ZNF683: variants seen among roughly 807,000 people sequenced by gnomAD.
ZNF683 encodes tissue-resident T-cell transcription regulator protein ZNF683.
ZNF683 carries 20 observed loss-of-function variants against 31.4 expected under a neutral mutation model. The ratio of observed to expected loss-of-function variants is 0.64; its 90% CI spans 0.45 to 0.93. ZNF683 has a LOEUF of 0.93. ZNF683 is among the 40% of genes least tolerant of loss of function. The pLI is 0.00. For missense variants in ZNF683, 621 were observed against 637.2 expected (o/e 0.97, Z 0.27); for synonymous variants, 264 against 267.6 (o/e 0.99, Z 0.13).
chr1:26,363,737 G>GAAAAAA (rs61027154), intron 4 of ZNF683, among the ~76,000 whole-genome samples: 1 of 134,940 alleles, frequency 7.4e-6, no homozygotes. Context: ...ACTCCATATG[G>GAAAAAA]AAAAAAAAAA....
In ZNF683 at chr1:26,367,574, C is replaced by A; in HGVS notation, c.319+19G>T. 6.4e-7 allele frequency: 1 copy of A among 1,557,088 alleles called. No homozygotes were observed. ...CAGCCTCTGCCAGGCGCAGGTGCAG[C>A]CCGGTGCCCTGGGCTTACTCATGCT... is the stretch of plus-strand genomic sequence containing the variant. On this transcript the variant is annotated intron_variant, in intron 3 of 5. Coordinates refer to ENST00000349618, the MANE Select transcript of ZNF683 (RefSeq NM_001114759.3).
In ZNF683 at chr1:26,364,648, A is replaced by C. The variant is rs753637487; in HGVS notation, c.898T>G (p.Leu300Val). The C allele has an allele frequency of 6.2e-7, 1 of 1,613,920 alleles. No individual in the cohort carries two copies. The highest frequency in any genetic ancestry group is 8.5e-7 in the Non-Finnish European group (1 of 1,179,856). Residue 300 changes from leucine to valine, a missense_variant, in exon 4 of 6, where the codon TTG (leucine) becomes GTG (valine). By Grantham distance (32) the Leu-to-Val change is conservative. Coordinates refer to ENST00000349618, the MANE Select transcript of ZNF683 (RefSeq NM_001114759.3). Reference sequence around the variant, plus strand: ...GCTGCGGTGCCTGTCTGGGAACTCAATGGGACCCGCTTTGCTGGAGATGCC... The same window carrying C: ...GCTGCGGTGCCTGTCTGGGAACTCACTGGGACCCGCTTTGCTGGAGATGCC... Reference protein sequence around the residue: ...GMASPAKRVPLSSQTGTAALP... With the variant: ...GMASPAKRVPVSSQTGTAALP...
At chr1:26,369,038 A>G (rs953738488) in intron 1 of ZNF683, among the ~76,000 whole-genome samples, 1 of 151,988 alleles carries the variant, frequency 6.6e-6, no homozygotes, top group Non-Finnish European at 1.5e-5. Context: ...TGATGTCAGG[A>G]GTTCAAGACT....
intron 1 of ZNF683, 106 bp downstream of exon 1, chr1:26,372,563 T>C (rs781321458): frequency 7.7e-7 from 1 of 1,304,800 alleles, no homozygotes; most frequent in African/African-American, 1.5e-5. Context: ...AGCTCTGCCC[T>C]CTCCTGGCAT....
At chr1:26,365,404 A>G (rs1033141588) in intron 3 of ZNF683, among the ~76,000 whole-genome samples, 178 bp from the exon 4 acceptor site, 2 of 152,202 alleles carry the variant, frequency 1.3e-5, no homozygotes, top group Non-Finnish European at 2.9e-5. Context: ...TTAGACACCC[A>G]GGTTGAGAAG....
chr1:26,365,704 A>G (rs534172914), intron 3 of ZNF683, among the ~76,000 whole-genome samples: 8 of 152,372 alleles, frequency 5.3e-5, no homozygotes, highest in African/African-American at 1.7e-4. Flanking sequence ...TCTACCAAAC[A>G]GTGCTATTCT....
intron 5 of ZNF683, 176 bp from the exon 6 acceptor site, chr1:26,362,198 A>G (rs1192410601): frequency 6.4e-7 from 1 of 1,567,424 alleles, no homozygotes; most frequent in Non-Finnish European, 8.7e-7. Context: ...AACCAGGCCA[A>G]CTTGGGTTAG....
At position 26,361,764 on chromosome 1, in the gene ZNF683, C is replaced by G. The variant is rs2074387756; in HGVS notation, c.1402G>C (p.Gly468Arg). ...LMAVASEKHM[G>R]YDIDEVKVSS... Reference sequence around the variant, plus strand: ...ACTTTGACCTCATCTATGTCATAGCCCATGTGTTTCTCAGATGCCACCGCC... The same window carrying G: ...ACTTTGACCTCATCTATGTCATAGCGCATGTGTTTCTCAGATGCCACCGCC... The change falls in exon 6 of 6, where the codon GGC (glycine) becomes CGC (arginine). Residue 468 changes from glycine to arginine, a missense_variant. Gly to Arg is a moderately radical substitution (Grantham distance 125, BLOSUM62 -2). Transcript: ENST00000349618. The G allele has an allele frequency of 1.2e-6, 2 of 1,613,946 alleles. No homozygotes were observed. Among genetic ancestry groups the G allele is most frequent in the Admixed American group, 3.3e-5 (2 of 60,014 alleles).
intron 1 of ZNF683, among the ~76,000 whole-genome samples, chr1:26,371,961 T>C (rs529934563): frequency 8.5e-5 from 13 of 152,092 alleles, no homozygotes; most frequent in Non-Finnish European, 1.2e-4. Flanking sequence ...GGAAAAGACA[T>C]GTCTAGATAC....
chr1:26,374,458 C>T (rs12036074), upstream of ZNF683: 4 of 1,149,210 alleles, frequency 3.5e-6, no homozygotes, highest in African/African-American at 4.8e-5. Flanking sequence ...AGGAGGTGGG[C>T]TGAGGACAGA....
intron 4 of ZNF683, 139 bp downstream of exon 4, chr1:26,364,393 C>A (rs2074461884): frequency 3.3e-6 from 3 of 901,970 alleles, no homozygotes; most frequent in Non-Finnish European, 5.2e-6. Flanking sequence ...CCCAAATGAA[C>A]CATCCAAGGT....
chr1:26,370,164 T>C (rs2074635686), intron 1 of ZNF683, among the ~76,000 whole-genome samples: 1 of 152,150 alleles, frequency 6.6e-6, no homozygotes, highest in South Asian at 2.1e-4. Context: ...CACCCCCTTC[T>C]GTGCTGAGAG....
intron 4 of ZNF683, among the ~76,000 whole-genome samples, chr1:26,363,593 C>T (rs530544586): frequency 6.6e-6 from 1 of 151,942 alleles, no homozygotes. Flanking sequence ...CACATTGGGA[C>T]CCCGTATGCA....
rs113902566 is a variant in ZNF683 at position 26,372,694 on chromosome 1, C to T, written c.-40G>A. ...TCTGGTGATCATGGGCTTTCCTTGG[C>T]TTGGGTCTCTGGTCTGGGTCAAGGC... On this transcript the variant is annotated 5_prime_UTR_variant, in exon 1 of 6. Coordinates refer to ENST00000349618, the MANE Select transcript of ZNF683 (RefSeq NM_001114759.3). 3 of 1,279,664 alleles carry T rather than the reference C, an allele frequency of 2.3e-6. No individual in the cohort carries two copies. Among genetic ancestry groups the T allele is most frequent in the African/African-American group, 3.1e-5 (2 of 65,438 alleles). 79.3% of individuals were successfully genotyped at this position (1,279,664 alleles called of 1,614,324 possible). A position where few individuals can be genotyped will look rare whatever the true frequency, so the allele number is the denominator to read the frequency against.
chr1:26,361,770 G>A lies in ZNF683; in HGVS notation c.1396C>T (p.His466Tyr). The change falls in exon 6 of 6, where the codon CAC becomes TAC. Residue 466 changes from histidine to tyrosine, a missense_variant. His to Tyr is a moderately conservative substitution (Grantham distance 83). Coordinates refer to ENST00000349618, the MANE Select transcript of ZNF683 (RefSeq NM_001114759.3). ...ACCTCATCTATGTCATAGCCCATGT[G>A]TTTCTCAGATGCCACCGCCATAAGA... ...LDLMAVASEK[H>Y]MGYDIDEVKV... 1 of 1,614,032 alleles carries A rather than the reference G, an allele frequency of 6.2e-7. No homozygotes were observed. Among genetic ancestry groups the A allele is most frequent in the South Asian group, 1.1e-5 (1 of 91,086 alleles).
Position 26,363,032 on chromosome 1 carries a change from C to G in ZNF683, c.1137G>C (p.Lys379Asn). 12 of 1,610,494 alleles carry G rather than the reference C, an allele frequency of 7.5e-6. No homozygotes were observed. Among genetic ancestry groups the G allele is most frequent in the Non-Finnish European group, 9.3e-6 (11 of 1,178,200 alleles). ...AGGGGGAGAAGGATCTCACCGAGCACTTGTGGGGCCGCTCCCCAGTGTGCA... is the reference window on the plus strand; with the variant it reads ...AGGGGGAGAAGGATCTCACCGAGCAGTTGTGGGGCCGCTCCCCAGTGTGCA... Reference protein sequence around the residue: ...HLVHTGERPHKCSVCHKRFSS... With the variant: ...HLVHTGERPHNCSVCHKRFSS... Residue 379 changes from lysine to asparagine, a missense_variant, in exon 5 of 6, where the codon AAG (lysine) becomes AAC (asparagine). Transcript: ENST00000349618.
chr1:26,374,223 G>T (rs572384464), upstream of ZNF683: 256 of 1,302,222 alleles, frequency 2.0e-4, 2 homozygotes, highest in South Asian at 3.0e-3. Flanking sequence ...GAATCACAGG[G>T]AAGTGAGGGG....
intron 2 of ZNF683, among the ~76,000 whole-genome samples, chr1:26,368,032 C>G (rs560969423): frequency 3.9e-5 from 6 of 152,188 alleles, no homozygotes; most frequent in African/African-American, 1.4e-4. Context: ...CTCTCTAGCC[C>G]TGTTCTCCCT....
At chr1:26,366,200 A>AGAAG (rs2074517613) in intron 3 of ZNF683, among the ~76,000 whole-genome samples, 1 of 152,060 alleles carries the variant, frequency 6.6e-6, no homozygotes, top group Non-Finnish European at 1.5e-5. Flanking sequence ...AAAGAAAGAA[A>AGAAG]GAAAGAAAAT....
Sources: allele counts gnomAD v4.1 joint callset (sites outside exome capture counted in the v4.1 genomes callset), GRCh38; gene constraint gnomAD v4.1.1; transcripts MANE v1.5; gene names NCBI Gene and HGNC (gene_info 2026-07-23, HGNC 2026-07-21).